SPAST: variants seen among roughly 807,000 people sequenced by gnomAD.
The protein encoded by SPAST is spastin.
A neutral mutation model predicts 76.6 loss-of-function variants in SPAST; 30 were observed. The observed-to-expected ratio is 0.39, with a 90% confidence interval of 0.29 to 0.53. SPAST has a LOEUF of 0.53. Ranked by LOEUF, SPAST falls within the 20% of genes least tolerant of loss-of-function variation. The probability of loss-of-function intolerance (pLI) is 0.68; values close to 1 mark genes in which losing one functional copy is unlikely to be tolerated. For missense variants in SPAST, 717 were observed against 770.5 expected (o/e 0.93, Z 0.82); for synonymous variants, 305 against 281.0 (o/e 1.09, Z -0.86).
intron 3 of SPAST, among the ~76,000 whole-genome samples, chr2:32,094,562 G>A (rs1677848905): frequency 6.6e-6 from 1 of 152,226 alleles, no homozygotes; most frequent in Admixed American, 6.5e-5. Context: ...TTATAGTAGA[G>A]ATGAAGTCAG....
chr2:32,110,625 T>C (rs1678533638), intron 4 of SPAST, among the ~76,000 whole-genome samples: 1 of 135,592 alleles, frequency 7.4e-6, no homozygotes, highest in South Asian at 2.2e-4. Flanking sequence ...AGTGTATATA[T>C]AGTATATGTA....
chr2:32,109,920 A>G (rs530590006), intron 4 of SPAST, among the ~76,000 whole-genome samples: 138 of 148,616 alleles, frequency 9.3e-4, no homozygotes, highest in African/African-American at 3.2e-3. Context: ...ATATAGTTAC[A>G]TATGTATATG....
intron 4 of SPAST, among the ~76,000 whole-genome samples, chr2:32,107,365 C>G (rs1678365187): frequency 6.6e-6 from 1 of 152,114 alleles, no homozygotes; most frequent in Admixed American, 6.5e-5. Context: ...GATTCTCCCA[C>G]TTCATCCTCC....
chr2:32,143,472 TC>T, intron 14 of SPAST, 57 bp downstream of exon 14: 5 of 1,061,208 alleles, frequency 4.7e-6, no homozygotes, highest in Non-Finnish European at 7.1e-6. Context: ...TGTAAATAAT[TC>T]TTTTTTTAGT....
chr2:32,119,465 T>C (rs1678947016), intron 7 of SPAST, among the ~76,000 whole-genome samples: 1 of 152,168 alleles, frequency 6.6e-6, no homozygotes, highest in Non-Finnish European at 1.5e-5. Flanking sequence ...AGAATCATAA[T>C]TAGTCATCTA....
At chr2:32,094,665 G>C (rs1021868766) in intron 3 of SPAST, among the ~76,000 whole-genome samples, 3 of 152,178 alleles carry the variant, frequency 2.0e-5, no homozygotes, top group Admixed American at 6.5e-5. Flanking sequence ...ATGGGGAGCA[G>C]TTACAAAGAT....
chr2:32,131,893 C>T (rs925717357), intron 9 of SPAST, among the ~76,000 whole-genome samples: 3 of 151,918 alleles, frequency 2.0e-5, no homozygotes, highest in Non-Finnish European at 1.5e-5. Flanking sequence ...ATCTCCTGAC[C>T]TTGTGATCCG....
intron 1 of SPAST, among the ~76,000 whole-genome samples, chr2:32,086,779 T>C (rs184979976): frequency 6.6e-6 from 1 of 152,008 alleles, no homozygotes; most frequent in East Asian, 1.9e-4. Flanking sequence ...AAAAAAAGTC[T>C]AAGAAGTTAA....
At chr2:32,074,696 G>A (rs1230421362) in intron 1 of SPAST, among the ~76,000 whole-genome samples, 3 of 151,716 alleles carry the variant, frequency 2.0e-5, no homozygotes, top group Non-Finnish European at 4.4e-5. Context: ...TAGTAGAGAC[G>A]GGGTTTCACC....
chr2:32,152,433 G>A (rs1419026715), intron 16 of SPAST, among the ~76,000 whole-genome samples: 1 of 152,078 alleles, frequency 6.6e-6, no homozygotes. Context: ...AGCTGGGCGT[G>A]GTGGCGCACA....
At chr2:32,096,833 T>G (rs1179417991) in intron 3 of SPAST, among the ~76,000 whole-genome samples, 5 of 152,016 alleles carry the variant, frequency 3.3e-5, no homozygotes. Flanking sequence ...GCATGGTCAT[T>G]TAAAGAGTTT....
intron 1 of SPAST, among the ~76,000 whole-genome samples, chr2:32,071,691 T>C (rs1558612049): frequency 1.3e-5 from 2 of 152,304 alleles, no homozygotes; most frequent in African/African-American, 2.4e-5. Context: ...CGTAGGCAGA[T>C]TCAAAGATTT....
In SPAST at chr2:32,087,998, C is replaced by A. The variant is rs141994363; in HGVS notation, c.502+420C>A. On this transcript the variant is annotated intron_variant, in intron 2 of 16. Transcript: ENST00000315285. ...TCCCGGATTCAGGCTATTTATTCTC[C>A]TGCCTGAGACTCCTGAGTAGCTGGG... 9.9e-5 allele frequency among the ~76,000 whole-genome samples: 15 copies of A among 152,060 alleles called. No homozygotes were observed. The East Asian group carries it at 2.7e-3, about 27-fold the overall frequency.
intron 4 of SPAST, among the ~76,000 whole-genome samples, chr2:32,099,598 G>T (rs139462894): frequency 2.3e-3 from 351 of 152,166 alleles, no homozygotes; most frequent in Non-Finnish European, 3.5e-3. Context: ...GATACATATA[G>T]TATATGGTGA....
At chr2:32,103,445 G>GT (rs1281704022) in intron 4 of SPAST, among the ~76,000 whole-genome samples, 3 of 152,032 alleles carry the variant, frequency 2.0e-5, no homozygotes, top group Non-Finnish European at 4.4e-5. Context: ...TTTTTGAAAG[G>GT]TTTTTTGTGT....
intron 4 of SPAST, among the ~76,000 whole-genome samples, chr2:32,101,607 G>A (rs1386581122): frequency 6.6e-6 from 1 of 152,146 alleles, no homozygotes; most frequent in Non-Finnish European, 1.5e-5. Context: ...TATAGTTTTA[G>A]AACTAACATT....
chr2:32,067,765 T>C (rs1676581259), intron 1 of SPAST, among the ~76,000 whole-genome samples: 1 of 151,210 alleles, frequency 6.6e-6, no homozygotes, highest in South Asian at 2.1e-4. Flanking sequence ...CCTCTTTTTT[T>C]TTTTTTTGCT....
rs563107986 is a variant in SPAST at position 32,086,772 on chromosome 2, A to C, written c.416-720A>C. 3.0e-4 allele frequency among the ~76,000 whole-genome samples: 46 copies of C among 152,276 alleles called. No individual in the cohort carries two copies. In the East Asian group the frequency reaches 8.5e-3, roughly 28 times the overall value. The stretch of plus-strand genomic sequence containing the variant: ...GACTCTGTCTCAAAAAAAAAAGAAA[A>C]AAAGTCTAAGAAGTTAATTTTCATT... On this transcript the variant is annotated intron_variant, in intron 1 of 16. Coordinates refer to ENST00000315285, the MANE Select transcript of SPAST (RefSeq NM_014946.4).
At chr2:32,071,166 G>A (rs1455884371) in intron 1 of SPAST, among the ~76,000 whole-genome samples, 8 of 152,160 alleles carry the variant, frequency 5.3e-5, no homozygotes, top group Non-Finnish European at 1.2e-4. Flanking sequence ...CAATGGTGGA[G>A]GTTCTCTAGG....
Sources: allele counts gnomAD v4.1 joint callset (sites outside exome capture counted in the v4.1 genomes callset), GRCh38; gene constraint gnomAD v4.1.1; transcripts MANE v1.5; gene names NCBI Gene and HGNC (gene_info 2026-07-23, HGNC 2026-07-21).